CRAT: variants seen among roughly 807,000 people sequenced by gnomAD.
CRAT encodes the protein carnitine acetylase.
Under a neutral mutation model 73.7 loss-of-function variants are expected in CRAT, and 66 were observed. The observed-to-expected ratio is 0.90, with a 90% confidence interval of 0.73 to 1.10. CRAT has a LOEUF of 1.10. Ranked by LOEUF, CRAT falls within the 50% of genes least tolerant of loss-of-function variation. The probability of loss-of-function intolerance (pLI) is 0.00; values close to 1 mark genes in which losing one functional copy is unlikely to be tolerated. For missense variants in CRAT, 745 were observed against 846.9 expected (o/e 0.88, Z 1.49); for synonymous variants, 321 against 343.2 (o/e 0.94, Z 0.71).
In CRAT at chr9:129,099,986, C is replaced by A. The variant is rs750835473; in HGVS notation, c.985-20G>T. ...GATGAACTGTGGAAGGGAAGGGAGA[C>A]CCCGGTCAGCCCCAGGGCCCTGGGG... On this transcript the variant is annotated intron_variant, in intron 7 of 13. Coordinates refer to ENST00000318080, the MANE Select transcript of CRAT (RefSeq NM_000755.5). The A allele has an allele frequency of 3.1e-6, 5 of 1,609,056 alleles. No homozygotes were observed. The highest frequency in any genetic ancestry group is 1.1e-5 in the South Asian group (1 of 90,940).
chr9:129,102,443 G>T lies in CRAT; in HGVS notation c.587C>A (p.Thr196Asn). The change falls in exon 5 of 14, where the codon ACC becomes AAC. Residue 196 changes from threonine (T) to asparagine (N), a missense_variant. Physicochemically the swap from Thr to Asn is moderately conservative, Grantham distance 65. Transcript: ENST00000318080. The part of the protein sequence containing the change: ...KQDTVSNFSK[T>N]KKPPTHITVV... ...GGTGATGTGCGTGGGAGGCTTCTTG[G>T]TCTTGCTGAAGTTGCTGACTGTGTC... is the stretch of plus-strand genomic sequence containing the variant. 3.7e-6 allele frequency: 6 copies of T among 1,614,192 alleles called. No individual in the cohort carries two copies. Among genetic ancestry groups the T allele is most frequent in the Non-Finnish European group, 5.1e-6 (6 of 1,180,016 alleles).
chr9:129,098,472 C>A (rs1847433305), intron 9 of CRAT, 59 bp downstream of exon 9: 10 of 1,588,710 alleles, frequency 6.3e-6, no homozygotes, highest in Admixed American at 1.7e-5. Context: ...AGGAGCCTCT[C>A]AAGCTCAAGG....
chr9:129,104,124 C>A (rs984735532), intron 3 of CRAT, 64 bp downstream of exon 3: 2 of 1,247,776 alleles, frequency 1.6e-6, no homozygotes, highest in Non-Finnish European at 1.1e-6. Flanking sequence ...CCCCTCCAAG[C>A]GGCTGGGCGA....
Position 129,098,295 on chromosome 9 carries a change from T to G in CRAT, c.1282A>C (p.Ser428Arg), listed in dbSNP as rs566951989. Residue 428 changes from serine (S) to arginine (R), a missense_variant, in exon 10 of 14, where the codon AGC (serine) becomes CGC (arginine). By Grantham distance (110) the Ser-to-Arg change is moderately radical (BLOSUM62 -1). Coordinates refer to ENST00000318080, the MANE Select transcript of CRAT (RefSeq NM_000755.5). The stretch of plus-strand genomic sequence containing the variant: ...GCCATCTGGATGAAGGCATCTGGGC[T>G]TAGCTTCTCCGACTTGGGGAAGTCT... The part of the protein sequence containing the change: ...GKDFPKSEKL[S>R]PDAFIQMALQ... The G allele has an allele frequency of 5.3e-5, 85 of 1,614,042 alleles. 1 individual carries two copies. The South Asian group carries it at 9.2e-4, about 18-fold the overall frequency.
At chr9:129,098,877 G>A (rs1214420245) in intron 8 of CRAT, among the ~76,000 whole-genome samples, 4 of 146,966 alleles carry the variant, frequency 2.7e-5, no homozygotes, top group Non-Finnish European at 5.9e-5. Context: ...GCAGTGATGT[G>A]ATCTCAGCTC....
In CRAT at chr9:129,098,549, G is replaced by A; in HGVS notation, c.1187C>T (p.Ala396Val). 6.2e-7 allele frequency: 1 copy of A among 1,607,726 alleles called. No homozygotes were observed. Residue 396 changes from alanine (A) to valine (V), a missense_variant, in exon 9 of 14, where the codon GCC becomes GTC. Coordinates refer to ENST00000318080, the MANE Select transcript of CRAT (RefSeq NM_000755.5). ...TPEIKSDIEK[A>V]KQNLSIMIQD... is the part of the protein sequence containing the mutation. ...CACTTACATGCTGAGGTTCTGCTTGGCCTTCTCGATGTCGCTCTTGATCTC... is the reference window on the plus strand; with the variant it reads ...CACTTACATGCTGAGGTTCTGCTTGACCTTCTCGATGTCGCTCTTGATCTC...
At position 129,095,335 on chromosome 9, in the gene CRAT, G is replaced by T; in HGVS notation, c.*62C>A. 1 of 1,545,864 alleles carries T rather than the reference G, an allele frequency of 6.5e-7. No homozygotes were observed. Among genetic ancestry groups the T allele is most frequent in the Non-Finnish European group, 8.8e-7 (1 of 1,132,324 alleles). On this transcript the variant is annotated 3_prime_UTR_variant, in exon 14 of 14. Transcript: ENST00000318080. ...AGAGGGAACCAAGGAGCTGAGCCCT[G>T]GTGGGTGGCCCATCCCAGGGTGGGC... is the stretch of plus-strand genomic sequence containing the variant.
chr9:129,098,680 G>A lies in CRAT; in HGVS notation c.1086-30C>T, dbSNP rs369325312. ...ACAGTAAACGGGGCCTCAGGCTCATGCTGGTGCCTCTAGAGCCTGGGTCCA... is the reference window on the plus strand; with the variant it reads ...ACAGTAAACGGGGCCTCAGGCTCATACTGGTGCCTCTAGAGCCTGGGTCCA... On this transcript the variant is annotated intron_variant, in intron 8 of 13. Coordinates refer to ENST00000318080, the MANE Select transcript of CRAT (RefSeq NM_000755.5). The A allele has an allele frequency of 1.0e-5, 16 of 1,588,546 alleles. No homozygotes were observed. In the African/African-American group the frequency reaches 2.1e-4, roughly 20 times the overall value.
chr9:129,098,799 GCTTT>G, intron 8 of CRAT, 149 bp from the exon 9 acceptor site: 1 of 807,224 alleles, frequency 1.2e-6, no homozygotes, highest in Non-Finnish European at 1.7e-6. Flanking sequence ...CCTCACTTCA[GCTTT>G]TTTTTCTTTT....
In CRAT at chr9:129,098,523, G is replaced by T. The variant is rs749762867; in HGVS notation, c.1205+8C>A. ...TCCAGCACAGGGATGGCGGGGGCAG[G>T]CACTTACATGCTGAGGTTCTGCTTG... On this transcript the variant is annotated splice_region_variant and intron_variant, in intron 9 of 13. Coordinates refer to ENST00000318080, the MANE Select transcript of CRAT (RefSeq NM_000755.5). 8 of 1,604,950 alleles carry T rather than the reference G, an allele frequency of 5.0e-6. No individual in the cohort carries two copies. Among genetic ancestry groups the T allele is most frequent in the Non-Finnish European group, 6.8e-6 (8 of 1,176,598 alleles).
In CRAT at chr9:129,110,011, T is replaced by C. The variant is rs1279096399; in HGVS notation, c.27+472A>G. ...CAGTTCTGAGGCCTTTCTAGCTTGA[T>C]GCCTCCGCGTGTTTCTCTGGCCACA... is the stretch of plus-strand genomic sequence containing the variant. On this transcript the variant is annotated intron_variant, in intron 1 of 13. Transcript: ENST00000318080. The surrounding 1 kb of genome is among the most constrained non-coding windows in gnomAD (Gnocchi z 5.3). 1.3e-5 allele frequency among the ~76,000 whole-genome samples: 2 copies of C among 152,124 alleles called. No homozygotes were observed. The highest frequency in any genetic ancestry group is 3.9e-4 in the East Asian group (2 of 5,180).
chr9:129,104,078 G>A, intron 3 of CRAT, 110 bp downstream of exon 3: 4 of 679,188 alleles, frequency 5.9e-6, no homozygotes, highest in Non-Finnish European at 1.0e-5. Flanking sequence ...ACTTCATAAG[G>A]CTGCTTGTGG....
chr9:129,100,488 G>T (rs1416915075), intron 7 of CRAT, 23 bp downstream of exon 7: 3 of 1,602,296 alleles, frequency 1.9e-6, no homozygotes, highest in Non-Finnish European at 2.6e-6. Context: ...TGTGTGAGTG[G>T]GCGAAGCCCT....
chr9:129,102,471 G>A lies in CRAT; in HGVS notation c.559C>T (p.Gln187Ter). 6.2e-7 allele frequency: 1 copy of A among 1,614,206 alleles called. No individual in the cohort carries two copies. The highest frequency in any genetic ancestry group is 8.5e-7 in the Non-Finnish European group (1 of 1,180,030). Reference sequence around the variant, plus strand: ...TTGCTGAAGTTGCTGACTGTGTCCTGCTTGGGGCCCGGCACTCGGCAGGAG... The same window carrying A: ...TTGCTGAAGTTGCTGACTGTGTCCTACTTGGGGCCCGGCACTCGGCAGGAG... ...LSSCRVPGPKQDTVSNFSKTK... is the reference protein window; with the variant it reads ...LSSCRVPGPK The change falls in exon 5 of 14, where the codon CAG becomes TAG. Residue 187 changes from glutamine to a stop codon, truncating the protein, a stop_gained. Transcript: ENST00000318080. LOFTEE classifies it high-confidence loss of function.
Position 129,107,285 on chromosome 9 carries a change from G to T in CRAT, c.291+529C>A, listed in dbSNP as rs1588461837. On this transcript the variant is annotated intron_variant, in intron 2 of 13. Coordinates refer to ENST00000318080, the MANE Select transcript of CRAT (RefSeq NM_000755.5). The surrounding 1 kb of genome is among the most constrained non-coding windows in gnomAD (Gnocchi z 5.0). Reference sequence around the variant, plus strand: ...CTGACCTTGTGATCTGCCCGCCTTGGACTCCCAAAGTGCTGGGATTATAGG... The same window carrying T: ...CTGACCTTGTGATCTGCCCGCCTTGTACTCCCAAAGTGCTGGGATTATAGG... 1.0e-4 allele frequency: 28 copies of T among 273,158 alleles called. 1 individual carries two copies. The South Asian group carries it at 1.6e-3, about 15-fold the overall frequency. The allele number at this position is 273,158 out of a possible 1,614,324, so 16.9% of individuals were successfully genotyped here.
chr9:129,097,940 T>C, intron 11 of CRAT, 73 bp downstream of exon 11: 5 of 1,567,100 alleles, frequency 3.2e-6, no homozygotes, highest in African/African-American at 1.3e-5. Context: ...TGCTCAATTA[T>C]TGTGTGTTGA....
Position 129,097,313 on chromosome 9 carries a change from C to A in CRAT, c.1465-1G>T. On this transcript the variant is annotated splice_acceptor_variant, in intron 11 of 13. Transcript: ENST00000318080. LOFTEE classifies it high-confidence loss of function. ...GCAGCAGCTCCACCTTCTGGTGCTC[C>A]TAGAGTGGTGAGGGTCAGAGGGAGC... 1 of 1,564,714 alleles carries A rather than the reference C, an allele frequency of 6.4e-7. No homozygotes were observed. The highest frequency in any genetic ancestry group is 2.3e-5 in the East Asian group (1 of 43,012).
At chr9:129,101,627 C>G (rs909473458) in intron 6 of CRAT, among the ~76,000 whole-genome samples, 2 of 152,262 alleles carry the variant, frequency 1.3e-5, no homozygotes, top group Non-Finnish European at 2.9e-5. Flanking sequence ...GCCTCCCTTT[C>G]ACTGTTTCGC....
chr9:129,101,684 G>C (rs1456126964), intron 6 of CRAT, among the ~76,000 whole-genome samples, 199 bp downstream of exon 6: 2 of 152,168 alleles, frequency 1.3e-5, no homozygotes, highest in Non-Finnish European at 2.9e-5. Flanking sequence ...TCAATAGTGT[G>C]GAGACCAGAA....
Sources: gnomAD v4.1 joint callset for allele counts (sites outside exome capture counted in the v4.1 genomes callset) on GRCh38, gnomAD v4.1.1 for gene constraint, Gnocchi (gnomAD v3.1) non-coding constraint, MANE v1.5 for transcripts, NCBI Gene and HGNC (gene_info 2026-07-23, HGNC 2026-07-21) for gene names.